The following LDLRAD4 variants were observed in gnomAD, a reference collection of about 807,000 sequenced individuals.
LDLRAD4 encodes low-density lipoprotein receptor class A domain-containing protein 4.
LDLRAD4 carries 5 observed loss-of-function variants against 17.0 expected under a neutral mutation model. The observed-to-expected ratio is 0.29, with a 90% CI of 0.15 to 0.62. The LOEUF (loss-of-function observed/expected upper bound fraction) is 0.62, where lower values mean the gene tolerates loss of function less well. Among genes scored for constraint, LDLRAD4 ranks in the 20% least tolerant of loss-of-function variants. The pLI is 0.84. For synonymous variants in LDLRAD4, 168 were observed against 171.8 expected (o/e 0.98, Z 0.17); for missense variants, 340 against 424.7 (o/e 0.80, Z 1.75).
chr18:13,221,243 T>C (rs531828526), intron 1 of LDLRAD4, among the ~76,000 whole-genome samples: 119 of 152,344 alleles, frequency 7.8e-4, no homozygotes, highest in African/African-American at 2.8e-3. Context: ...GGATATTAAA[T>C]ATGAATAGCG....
chr18:13,627,940 T>A (rs1034708082), intron 4 of LDLRAD4, among the ~76,000 whole-genome samples: 26 of 152,150 alleles, frequency 1.7e-4, no homozygotes, highest in African/African-American at 6.3e-4. Flanking sequence ...GGGTGTGCCA[T>A]ATGTGACGAG....
chr18:13,338,028 G>T (rs1195382002), intron 1 of LDLRAD4, among the ~76,000 whole-genome samples: 1 of 152,134 alleles, frequency 6.6e-6, no homozygotes, highest in African/African-American at 2.4e-5. Context: ...GAAAATTTTT[G>T]TGCCTTCAGT....
chr18:13,250,854 G>T (rs897506431), intron 1 of LDLRAD4, among the ~76,000 whole-genome samples: 1 of 152,172 alleles, frequency 6.6e-6, no homozygotes, highest in African/African-American at 2.4e-5. Flanking sequence ...AATTGTATCA[G>T]AGATAATTCT....
rs529461509 is a variant in LDLRAD4 at position 13,609,723 on chromosome 18, A to G, written c.182-11394A>G. ...CGTGGTGGCTCACACCTGTAATCCC[A>G]GAACTCTGAGAAGCCGAAGCTGGTG... On this transcript the variant is annotated intron_variant, in intron 3 of 5. Coordinates refer to ENST00000359446, the Ensembl canonical transcript of LDLRAD4. 9.5e-4 allele frequency among the ~76,000 whole-genome samples: 144 copies of G among 152,364 alleles called. 1 individual carries two copies. The highest frequency in any genetic ancestry group is 3.1e-3 in the African/African-American group (130 of 41,586).
At chr18:13,369,368 A>T (rs999246806) in intron 1 of LDLRAD4, among the ~76,000 whole-genome samples, 9 of 152,198 alleles carry the variant, frequency 5.9e-5, no homozygotes, top group Non-Finnish European at 1.2e-4. Context: ...GCGCTCTGTA[A>T]GAGGGCATGC....
In LDLRAD4 at chr18:13,499,277, C is replaced by A. The variant is rs1648601; in HGVS notation, c.181+60893C>A. 6.8e-5 allele frequency among the ~76,000 whole-genome samples: 9 copies of A among 131,436 alleles called. No individual in the cohort carries two copies. The East Asian group carries it at 1.3e-3, about 18-fold the overall frequency. The allele number at this position is 131,436 out of a possible 152,430, so 86.2% of individuals were successfully genotyped here. ...ACTGGAGAATCCTTCTCGCCACACA[C>A]GTCCTTTCGTGGACACTGGAGAATC... On this transcript the variant is annotated intron_variant, in intron 3 of 5. Coordinates refer to ENST00000359446, the Ensembl canonical transcript of LDLRAD4.
rs377048316 is a variant in LDLRAD4 at position 13,650,555 on chromosome 18, T to C, written c.*4898T>C. 5.3e-5 allele frequency: 21 copies of C among 395,284 alleles called. No homozygotes were observed. The South Asian group carries it at 3.0e-3, about 57-fold the overall frequency. The allele number at this position is 395,284 out of a possible 1,614,324, so 24.5% of individuals were successfully genotyped here. ...ATATAGGAACCAAGCCGCCCCCTCC[T>C]GCACTTGATGCTCCCACCTTTGTTG... On this transcript the variant is annotated 3_prime_UTR_variant, in exon 6 of 6. Coordinates refer to ENST00000359446, the Ensembl canonical transcript of LDLRAD4.
chr18:13,387,716 G>A, exon 2 of LDLRAD4: 1 of 1,613,904 alleles, frequency 6.2e-7, no homozygotes. Flanking sequence ...CTTGTCCGGG[G>A]AGCAGTATGC....
At chr18:13,506,038 C>T (rs75356662) in intron 3 of LDLRAD4, among the ~76,000 whole-genome samples, 3 of 151,996 alleles carry the variant, frequency 2.0e-5, no homozygotes, top group Admixed American at 6.6e-5. Context: ...CCTGTGTGCT[C>T]TCAGCGTTGT....
chr18:13,612,202 G>T (rs984360287), intron 3 of LDLRAD4: 41 of 988,030 alleles, frequency 4.1e-5, no homozygotes, highest in Non-Finnish European at 3.0e-5. Context: ...ATTACTGAAC[G>T]CAGTGTGACA....
intron 3 of LDLRAD4, among the ~76,000 whole-genome samples, chr18:13,496,487 T>C (rs1369850403): frequency 6.6e-6 from 1 of 152,214 alleles, no homozygotes; most frequent in Non-Finnish European, 1.5e-5. Flanking sequence ...CTGACCTAAA[T>C]CTTTCGTGTG....
At chr18:13,374,395 G>A (rs1318568774) in intron 1 of LDLRAD4, among the ~76,000 whole-genome samples, 1 of 152,254 alleles carries the variant, frequency 6.6e-6, no homozygotes, top group African/African-American at 2.4e-5. Flanking sequence ...AGGTTCTAGA[G>A]CCAAAGAACC....
chr18:13,364,975 C>T (rs528927014), intron 1 of LDLRAD4, among the ~76,000 whole-genome samples: 2 of 152,294 alleles, frequency 1.3e-5, no homozygotes, highest in East Asian at 3.9e-4. Context: ...GGAGACAAGA[C>T]ACACCATGAA....
At chr18:13,329,490 C>A (rs947935251) in intron 1 of LDLRAD4, among the ~76,000 whole-genome samples, 1 of 152,136 alleles carries the variant, frequency 6.6e-6, no homozygotes, top group Non-Finnish European at 1.5e-5. Flanking sequence ...TCTTTTCTGG[C>A]CAGATCATTG....
At chr18:13,527,393 T>G (rs1416413895) in intron 3 of LDLRAD4, among the ~76,000 whole-genome samples, 1 of 152,130 alleles carries the variant, frequency 6.6e-6, no homozygotes, top group Non-Finnish European at 1.5e-5. Context: ...GACACTTGGG[T>G]TTGCTGGCCT....
intron 3 of LDLRAD4, chr18:13,614,534 T>C (rs1405278682): frequency 1.3e-5 from 2 of 152,222 alleles, no homozygotes; most frequent in Non-Finnish European, 1.5e-5. Context: ...AGTATGATGA[T>C]AGCTCTTATT....
chr18:13,316,095 G>C (rs1460379674), intron 1 of LDLRAD4, among the ~76,000 whole-genome samples: 1 of 152,180 alleles, frequency 6.6e-6, no homozygotes, highest in Non-Finnish European at 1.5e-5. Flanking sequence ...TGGCTGAGAA[G>C]TATCCCAAAC....
chr18:13,277,665 C>G (rs570755920), upstream of LDLRAD4, among the ~76,000 whole-genome samples: 2 of 152,182 alleles, frequency 1.3e-5, no homozygotes, highest in Non-Finnish European at 2.9e-5. Context: ...GGGGCCTGCC[C>G]GTCTTAGGTG....
intron 3 of LDLRAD4, among the ~76,000 whole-genome samples, chr18:13,579,737 T>G (rs1601523247): frequency 1.3e-5 from 2 of 152,200 alleles, no homozygotes; most frequent in South Asian, 2.1e-4. Flanking sequence ...ATGTATGCAT[T>G]AAAGAGACTG....
Sources: gnomAD v4.1 joint callset for allele counts (sites outside exome capture counted in the v4.1 genomes callset) on GRCh38, gnomAD v4.1.1 for gene constraint, MANE v1.5 for transcripts, NCBI Gene and HGNC (gene_info 2026-07-23, HGNC 2026-07-21) for gene names.